Variants in EME2 observed in about 807,000 individuals in gnomAD.
The protein encoded by EME2 is essential meiotic structure-specific endonuclease subunit 2.
A neutral mutation model predicts 41.9 loss-of-function variants in EME2; 58 were observed. The observed-to-expected ratio is 1.38, with a 90% CI of 1.12 to 1.72. The LOEUF (loss-of-function observed/expected upper bound fraction) is 1.72, where lower values mean the gene tolerates loss of function less well. EME2 is among the 40% of genes most tolerant of loss of function. The pLI is 0.00. For synonymous variants in EME2, 334 were observed against 239.3 expected, an observed-to-expected ratio of 1.40 and a Z score of -3.65; for missense variants, 695 against 541.9, an observed-to-expected ratio of 1.28 and a Z score of -2.81.
chr16:1,775,521 C>G, intron 5 of EME2, 48 bp from the exon 6 acceptor site: 1 of 1,603,128 alleles, frequency 6.2e-7, no homozygotes, highest in Non-Finnish European at 8.5e-7. Context: ...CTGTGTGTCC[C>G]GGGTAGCCTT....
chr16:1,776,670 C>A lies in EME2; in HGVS notation c.*432C>A. On this transcript the variant is annotated 3_prime_UTR_variant, in exon 8 of 8. Coordinates refer to ENST00000568449, the MANE Select transcript of EME2 (RefSeq NM_001257370.2). ...CCTGGGAGAAGGCCCAGGCTGCTCGCAAGCCCGGCCTCTGCACGGATACGT... is the reference window on the plus strand; with the variant it reads ...CCTGGGAGAAGGCCCAGGCTGCTCGAAAGCCCGGCCTCTGCACGGATACGT... 3.5e-6 allele frequency: 1 copy of A among 282,042 alleles called. No individual in the cohort carries two copies. Among genetic ancestry groups the A allele is most frequent in the East Asian group, 7.5e-5 (1 of 13,304 alleles). 17.5% of individuals were successfully genotyped at this position (282,042 alleles called of 1,614,324 possible).
chr16:1,778,219 G>A lies in EME2; in HGVS notation c.*1981G>A, dbSNP rs369515288. The A allele has an allele frequency of 3.7e-6, 6 of 1,612,896 alleles. No individual in the cohort carries two copies. Among genetic ancestry groups the A allele is most frequent in the Non-Finnish European group, 5.1e-6 (6 of 1,179,948 alleles). On this transcript the variant is annotated 3_prime_UTR_variant, in exon 8 of 8. Transcript: ENST00000568449. ...CAGCTCCTTGGTGCCCCGGATGGCCGCTGTGCCGCAGCTGTACTCCATGTG... is the reference window on the plus strand; with the variant it reads ...CAGCTCCTTGGTGCCCCGGATGGCCACTGTGCCGCAGCTGTACTCCATGTG...
In EME2 at chr16:1,775,864, G is replaced by A. The variant is rs2042704058; in HGVS notation, c.847G>A (p.Ala283Thr). The A allele has an allele frequency of 3.1e-6, 5 of 1,612,528 alleles. No homozygotes were observed. In the South Asian group the frequency reaches 4.4e-5, roughly 14 times the overall value. ...GCGCTGGGCAGCCGGCGAGCCAGTG[G>A]CAAGAGACGGCGCAGGGCTGCAGGC... is the stretch of plus-strand genomic sequence containing the variant. Reference protein sequence around the residue: ...AGRWAAGEPVARDGAGLQAAW... With the variant: ...AGRWAAGEPVTRDGAGLQAAW... Residue 283 changes from alanine to threonine, a missense_variant, in exon 7 of 8, where the codon GCA (alanine) becomes ACA (threonine). Transcript: ENST00000568449.
At chr16:1,775,744 G>A (rs763593659) in intron 6 of EME2, 53 bp from the exon 7 acceptor site, 5 of 1,612,382 alleles carry the variant, frequency 3.1e-6, no homozygotes, top group Non-Finnish European at 1.7e-6. Context: ...TGCCTCCCCG[G>A]CCTTTTGGGA....
At chr16:1,774,696 A>AG (rs760013791) in intron 3 of EME2, among the ~76,000 whole-genome samples, 11 of 152,306 alleles carry the variant, frequency 7.2e-5, no homozygotes, top group Middle Eastern at 6.8e-3. Flanking sequence ...GCGTGGGGTT[A>AG]GGCTAGACCC....
At position 1,776,984 on chromosome 16, in the gene EME2, CG is replaced by C. The variant is rs1217398346; in HGVS notation, c.*749del. On this transcript the variant is annotated 3_prime_UTR_variant, in exon 8 of 8. Transcript: ENST00000568449. ...GGAGCAAGAGATGGCTCCCTCCGGA[CG>C]GGCCTCATCCAACTCCGCCCTGGAG... 2 of 1,240,818 alleles carry C rather than the reference CG, an allele frequency of 1.6e-6. No homozygotes were observed. Among genetic ancestry groups the C allele is most frequent in the African/African-American group, 3.0e-5 (2 of 66,696 alleles). The allele number at this position is 1,240,818 out of a possible 1,614,324, so 76.9% of individuals were successfully genotyped here. A position where few individuals can be genotyped will look rare whatever the true frequency, so the allele number is the denominator to read the frequency against.
In EME2 at chr16:1,778,145, C is replaced by T. The variant is rs754902144; in HGVS notation, c.*1907C>T. 7 of 1,612,618 alleles carry T rather than the reference C, an allele frequency of 4.3e-6. No homozygotes were observed. Among genetic ancestry groups the T allele is most frequent in the Admixed American group, 1.7e-5 (1 of 60,012 alleles). ...CCGAAGCAACTTACCATGTCGGTGC[C>T]GTAGACGGGAGAGGTCATCTTGATC... On this transcript the variant is annotated 3_prime_UTR_variant, in exon 8 of 8. Coordinates refer to ENST00000568449, the MANE Select transcript of EME2 (RefSeq NM_001257370.2).
In EME2 at chr16:1,776,243, A is replaced by G. The variant is rs777350603; in HGVS notation, c.*5A>G. Reference sequence around the variant, plus strand: ...CTGCTGGACCTGGGCTCCTGACCACACGTGGGACCACCAGGACAGCATGCA... The same window carrying G: ...CTGCTGGACCTGGGCTCCTGACCACGCGTGGGACCACCAGGACAGCATGCA... On this transcript the variant is annotated 3_prime_UTR_variant, in exon 8 of 8. Transcript: ENST00000568449. 3.1e-6 allele frequency: 5 copies of G among 1,611,970 alleles called. No individual in the cohort carries two copies. In the African/African-American group the frequency reaches 4.0e-5, roughly 13 times the overall value.
At position 1,775,807 on chromosome 16, in the gene EME2, G is replaced by A; in HGVS notation, c.790G>A (p.Glu264Lys). 1 of 1,612,460 alleles carries A rather than the reference G, an allele frequency of 6.2e-7. No homozygotes were observed. The highest frequency in any genetic ancestry group is 8.5e-7 in the Non-Finnish European group (1 of 1,179,738). ...TCTCTCTGTCCCCAGGCAGTACCGGGAATCCCAGGCCTTCTCCTTCTGCAC... is the reference window on the plus strand; with the variant it reads ...TCTCTCTGTCCCCAGGCAGTACCGGAAATCCCAGGCCTTCTCCTTCTGCAC... ...LAQYPLKQYR[E>K]SQAFSFCTAG... Residue 264 changes from glutamate to lysine, a missense_variant, in exon 7 of 8, where the codon GAA (glutamate) becomes AAA (lysine). Physicochemically the swap from Glu to Lys is moderately conservative, Grantham distance 56. Coordinates refer to ENST00000568449, the MANE Select transcript of EME2 (RefSeq NM_001257370.2).
At chr16:1,773,880 G>A (rs1189621084) in intron 2 of EME2, 39 bp downstream of exon 2, 2 of 1,508,836 alleles carry the variant, frequency 1.3e-6, no homozygotes, top group Non-Finnish European at 1.8e-6. Context: ...GCCGCGAGTT[G>A]GCTGTTTTGC....
At position 1,778,107 on chromosome 16, in the gene EME2, G is replaced by A. The variant is rs771733248; in HGVS notation, c.*1869G>A. ...TGGGCTGCCGGAGCCAGGTTCCCCAGAAGCACCCTGGGCCGAAGCAACTTA... is the reference window on the plus strand; with the variant it reads ...TGGGCTGCCGGAGCCAGGTTCCCCAAAAGCACCCTGGGCCGAAGCAACTTA... On this transcript the variant is annotated 3_prime_UTR_variant, in exon 8 of 8. Transcript: ENST00000568449. 2.7e-5 allele frequency: 43 copies of A among 1,612,844 alleles called. No individual in the cohort carries two copies. The highest frequency in any genetic ancestry group is 4.0e-5 in the African/African-American group (3 of 74,930).
At position 1,775,923 on chromosome 16, in the gene EME2, G is replaced by T. The variant is rs1332077998; in HGVS notation, c.906G>T (p.Arg302=). ...GGAGGCAGATCAGGCAGTTCAGTCG[G>T]GTCAGCCCAGCCGTGGCTGATGCAG... The part of the protein sequence containing the change: ...AWRRQIRQFS[R]VSPAVADAVV... Residue 302 remains arginine (R), a synonymous_variant, in exon 7 of 8, where the codon CGG becomes CGT. Transcript: ENST00000568449. The T allele has an allele frequency of 2.5e-6, 4 of 1,612,094 alleles. No homozygotes were observed. Among genetic ancestry groups the T allele is most frequent in the African/African-American group, 2.7e-5 (2 of 75,058 alleles).
Position 1,778,069 on chromosome 16 carries a change from G to A in EME2, c.*1831G>A, listed in dbSNP as rs201565187. 8 of 1,613,122 alleles carry A rather than the reference G, an allele frequency of 5.0e-6. No individual in the cohort carries two copies. In the African/African-American group the frequency reaches 1.1e-4, roughly 21 times the overall value. ...ACCATCTAGGAACAGGGGCCAGGCA[G>A]AGGGCGCGGGGCTGGGCTGCCGGAG... On this transcript the variant is annotated 3_prime_UTR_variant, in exon 8 of 8. Coordinates refer to ENST00000568449, the MANE Select transcript of EME2 (RefSeq NM_001257370.2).
At position 1,774,335 on chromosome 16, in the gene EME2, G is replaced by A; in HGVS notation, c.460G>A (p.Val154Ile). The A allele has an allele frequency of 1.9e-6, 3 of 1,612,696 alleles. No individual in the cohort carries two copies. Among genetic ancestry groups the A allele is most frequent in the Middle Eastern group, 1.7e-4 (1 of 6,060 alleles). Residue 154 changes from valine to isoleucine, a missense_variant, in exon 3 of 8, where the codon GTC becomes ATC. By Grantham distance (29) the Val-to-Ile change is conservative. Coordinates refer to ENST00000568449, the MANE Select transcript of EME2 (RefSeq NM_001257370.2). ...LLEPEEFLQG[V>I]ATLTQISGPT... The stretch of plus-strand genomic sequence containing the variant: ...GGAGCCCGAGGAGTTTCTGCAGGGC[G>A]TCGCCACACTGACCCAGGTGCTCGG...
rs762135128 is a variant in EME2, at chr16:1,781,276, T to C, written c.*5038T>C. On this transcript the variant is annotated 3_prime_UTR_variant, in exon 8 of 8. Transcript: ENST00000568449. Reference sequence around the variant, plus strand: ...GCATCTTTTTCTCCGACTGATTCCGTGTTCAGGTAATGTCTGCCTGCCTGC... The same window carrying C: ...GCATCTTTTTCTCCGACTGATTCCGCGTTCAGGTAATGTCTGCCTGCCTGC... 2 of 1,611,298 alleles carry C rather than the reference T, an allele frequency of 1.2e-6. No homozygotes were observed. Among genetic ancestry groups the C allele is most frequent in the Admixed American group, 1.7e-5 (1 of 59,980 alleles).
At position 1,778,114 on chromosome 16, in the gene EME2, C is replaced by T. The variant is rs760144688; in HGVS notation, c.*1876C>T. 3.7e-6 allele frequency: 6 copies of T among 1,612,748 alleles called. No homozygotes were observed. The African/African-American group carries it at 5.3e-5, about 14-fold the overall frequency. ...CCGGAGCCAGGTTCCCCAGAAGCAC[C>T]CTGGGCCGAAGCAACTTACCATGTC... is the stretch of plus-strand genomic sequence containing the variant. On this transcript the variant is annotated 3_prime_UTR_variant, in exon 8 of 8. Transcript: ENST00000568449.
In EME2 at chr16:1,773,092, G is replaced by A; in HGVS notation, c.-136G>A. On this transcript the variant is annotated 5_prime_UTR_variant, in exon 1 of 8. Transcript: ENST00000568449. ...ACGCGGCGGGCCAGCTCCGCGATCA[G>A]CCGCGGACGCACCTTCTTCCGCGCC... 1 of 1,405,256 alleles carries A rather than the reference G, an allele frequency of 7.1e-7. No homozygotes were observed. Among genetic ancestry groups the A allele is most frequent in the Non-Finnish European group, 9.2e-7 (1 of 1,084,456 alleles). 87.0% of individuals were successfully genotyped at this position (1,405,256 alleles called of 1,614,324 possible). A position where few individuals can be genotyped will look rare whatever the true frequency, so the allele number is the denominator to read the frequency against.
In EME2 at chr16:1,776,902, C is replaced by T. The variant is rs1032337158; in HGVS notation, c.*664C>T. ...GGGCTCAGGGCAGCCGCTTCCCCACCCAGCACAGCAGCAGAGGGGCCCTAG... is the reference window on the plus strand; with the variant it reads ...GGGCTCAGGGCAGCCGCTTCCCCACTCAGCACAGCAGCAGAGGGGCCCTAG... On this transcript the variant is annotated 3_prime_UTR_variant, in exon 8 of 8. Transcript: ENST00000568449. 1.5e-6 allele frequency: 1 copy of T among 656,374 alleles called. No homozygotes were observed. The highest frequency in any genetic ancestry group is 2.5e-6 in the Non-Finnish European group (1 of 394,942). 40.7% of individuals were successfully genotyped at this position (656,374 alleles called of 1,614,324 possible). A position where few individuals can be genotyped will look rare whatever the true frequency, so the allele number is the denominator to read the frequency against.
rs538069713 is a variant in EME2 at position 1,775,992 on chromosome 16, C to T, written c.969+6C>T. On this transcript the variant is annotated splice_donor_region_variant and intron_variant, in intron 7 of 7. Coordinates refer to ENST00000568449, the MANE Select transcript of EME2 (RefSeq NM_001257370.2). ...CCCCCCGCCTTCTGCAGCAGGTGGG[C>T]CCCTGCCTCCTCCAAGCCCTCCAGG... 7 of 1,607,524 alleles carry T rather than the reference C, an allele frequency of 4.4e-6. No homozygotes were observed. Among genetic ancestry groups the T allele is most frequent in the East Asian group, 2.2e-5 (1 of 44,816 alleles).
Sources: allele counts gnomAD v4.1 joint callset (sites outside exome capture counted in the v4.1 genomes callset), GRCh38; gene constraint gnomAD v4.1.1; transcripts MANE v1.5; gene names NCBI Gene and HGNC (gene_info 2026-07-23, HGNC 2026-07-21).